Variants in PRKG1 observed in about 807,000 individuals in gnomAD.
PRKG1 encodes cGMP-dependent protein kinase 1.
Under a neutral mutation model 88.1 loss-of-function variants are expected in PRKG1, and 35 were observed. The observed-to-expected ratio is 0.40, with a 90% CI of 0.30 to 0.53. The LOEUF (loss-of-function observed/expected upper bound fraction) is 0.53. Among genes scored for constraint, PRKG1 ranks in the 20% least tolerant of loss-of-function variants. PRKG1 has a pLI of 0.59. For missense variants in PRKG1, 540 were observed against 839.8 expected (o/e 0.64, Z 4.41); for synonymous variants, 303 against 292.5 (o/e 1.04, Z -0.37).
chr10:51,286,276 G>A (rs778598209), intron 2 of PRKG1, among the ~76,000 whole-genome samples: 11 of 152,082 alleles, frequency 7.2e-5, no homozygotes, highest in Non-Finnish European at 1.3e-4. Context: ...TGGCCCAGCA[G>A]GAATCTTTCA....
intron 3 of PRKG1, among the ~76,000 whole-genome samples, chr10:51,576,171 G>C (rs1416830540): frequency 6.6e-6 from 1 of 151,886 alleles, no homozygotes; most frequent in Non-Finnish European, 1.5e-5. Context: ...GGAATTTGAA[G>C]TTAGGTACCC....
chr10:51,957,282 CTTTTCTTTTTT>C (rs1297682917), intron 5 of PRKG1, among the ~76,000 whole-genome samples: 76 of 1,046 alleles, frequency 0.073, no homozygotes, highest in African/African-American at 0.2. Flanking sequence ...CTTTCCTTTT[CTTTTCTTTTTT>C]TTTTCTTTTC....
intron 3 of PRKG1, among the ~76,000 whole-genome samples, chr10:51,755,385 A>G (rs1837833320): frequency 6.6e-6 from 1 of 152,206 alleles, no homozygotes; most frequent in Non-Finnish European, 1.5e-5. Context: ...TGAAGCTGGA[A>G]TGGGTTTGGG....
intron 5 of PRKG1, among the ~76,000 whole-genome samples, chr10:52,018,021 C>G (rs1215466438): frequency 6.6e-6 from 1 of 151,652 alleles, no homozygotes; most frequent in Non-Finnish European, 1.5e-5. Context: ...GTGTAAGCAT[C>G]GATTTGCCTA....
In PRKG1 at chr10:51,535,725, A is replaced by ATT. The variant is rs34150180; in HGVS notation, c.592+67906_592+67907dup. Among the ~76,000 whole-genome samples, 75 of 145,074 alleles carry ATT rather than the reference A, an allele frequency of 5.2e-4. 1 individual carries two copies. The highest frequency in any genetic ancestry group is 3.6e-3 in the Middle Eastern group (1 of 280). On this transcript the variant is annotated intron_variant, in intron 3 of 17. Transcript: ENST00000373980. ...AAAAGAAAGGGTTTTGAAATCAATG[A>ATT]TTTTTTTTTTTTTTTTTTAAACGGA... is the stretch of plus-strand genomic sequence containing the variant.
chr10:51,220,652 G>T (rs1474530744), intron 2 of PRKG1, among the ~76,000 whole-genome samples: 1 of 152,092 alleles, frequency 6.6e-6, no homozygotes, highest in Non-Finnish European at 1.5e-5. Context: ...GTTTGCCATG[G>T]TTGAGTGATA....
At chr10:51,293,079 G>A (rs967298085) in intron 2 of PRKG1, among the ~76,000 whole-genome samples, 16 of 151,828 alleles carry the variant, frequency 1.1e-4, no homozygotes, top group East Asian at 3.9e-4. Flanking sequence ...ATTGAAAAAC[G>A]AAAAAATTAT....
intron 4 of PRKG1, among the ~76,000 whole-genome samples, chr10:51,892,147 A>G (rs1841737224): frequency 6.6e-6 from 1 of 152,200 alleles, no homozygotes; most frequent in Non-Finnish European, 1.5e-5. Flanking sequence ...GTTAATAGAT[A>G]TTCCCGAATA....
At chr10:51,701,610 A>G (rs941825166) in intron 3 of PRKG1, among the ~76,000 whole-genome samples, 3 of 152,362 alleles carry the variant, frequency 2.0e-5, no homozygotes, top group Non-Finnish European at 2.9e-5. Flanking sequence ...TAAAAAAACT[A>G]AAGACAAATC....
chr10:52,239,520 G>GAAAA (rs1840793602), intron 9 of PRKG1, among the ~76,000 whole-genome samples: 1 of 20,662 alleles, frequency 4.8e-5, no homozygotes, highest in Admixed American at 7.0e-4. Context: ...TTTCTACAGT[G>GAAAA]TAAAAAAAAA....
intron 9 of PRKG1, among the ~76,000 whole-genome samples, chr10:52,166,441 T>TG (rs1252125080): frequency 6.9e-6 from 1 of 144,358 alleles, no homozygotes; most frequent in Non-Finnish European, 1.5e-5. Flanking sequence ...TTTTTTTTTT[T>TG]TTTTTTTTTT....
intron 3 of PRKG1, among the ~76,000 whole-genome samples, chr10:51,571,531 G>A (rs1837751662): frequency 6.6e-6 from 1 of 151,850 alleles, no homozygotes; most frequent in Admixed American, 6.6e-5. Flanking sequence ...CTGAAGAAAT[G>A]TTTCATGAGG....
At chr10:51,762,412 C>T (rs977405073) in intron 3 of PRKG1, among the ~76,000 whole-genome samples, 2 of 152,118 alleles carry the variant, frequency 1.3e-5, no homozygotes, top group African/African-American at 4.8e-5. Context: ...ATTGGGTATA[C>T]CTGAGACACA....
chr10:51,388,865 G>T (rs1356827269), intron 2 of PRKG1, among the ~76,000 whole-genome samples: 2 of 152,134 alleles, frequency 1.3e-5, no homozygotes, highest in African/African-American at 2.4e-5. Flanking sequence ...TTTTTTGGTT[G>T]CTAGTGGAAA....
intron 4 of PRKG1, among the ~76,000 whole-genome samples, chr10:51,842,031 A>T (rs998757898): frequency 1.3e-5 from 2 of 152,188 alleles, no homozygotes; most frequent in African/African-American, 4.8e-5. Flanking sequence ...TTCAAGGCAG[A>T]TACTTCTAGA....
At chr10:51,351,203 G>A (rs1210301453) in intron 2 of PRKG1, among the ~76,000 whole-genome samples, 2 of 152,146 alleles carry the variant, frequency 1.3e-5, no homozygotes, top group Admixed American at 1.3e-4. Context: ...ATTGTGAACA[G>A]TGCCGCAATA....
At chr10:51,699,845 G>A (rs1474029929) in intron 3 of PRKG1, among the ~76,000 whole-genome samples, 1 of 152,126 alleles carries the variant, frequency 6.6e-6, no homozygotes, top group Non-Finnish European at 1.5e-5. Context: ...ACTACGACAC[G>A]CTTGGTACGA....
intron 5 of PRKG1, among the ~76,000 whole-genome samples, chr10:51,978,700 GCGTTTTATTTTTTTA>G (rs1219359836): frequency 1.3e-5 from 2 of 151,798 alleles, no homozygotes; most frequent in African/African-American, 4.8e-5. Context: ...GTATTCCTAG[GCGTTTTATTTTTTTA>G]CTGTCATTTG....
At chr10:52,027,920 C>A (rs1845383386) in intron 5 of PRKG1, among the ~76,000 whole-genome samples, 1 of 152,130 alleles carries the variant, frequency 6.6e-6, no homozygotes, top group Admixed American at 6.5e-5. Flanking sequence ...ACCAGAGTAG[C>A]TGGGACTGCA....
Sources: gnomAD v4.1 joint callset for allele counts (sites outside exome capture counted in the v4.1 genomes callset) on GRCh38, gnomAD v4.1.1 for gene constraint, MANE v1.5 for transcripts, NCBI Gene and HGNC (gene_info 2026-07-23, HGNC 2026-07-21) for gene names.